The following NUP155 variants were observed in gnomAD, a reference collection of about 807,000 sequenced individuals.
The protein encoded by NUP155 is nucleoporin 155.
Under a neutral mutation model 180.4 loss-of-function variants are expected in NUP155, and 71 were observed. That is an observed-to-expected ratio of 0.39 (90% CI 0.33 to 0.48). NUP155 has a LOEUF of 0.48. Ranked by LOEUF, NUP155 falls within the 20% of genes least tolerant of loss-of-function variation. NUP155 has a pLI of 0.91. For missense variants in NUP155, 1,553 were observed against 1,648.9 expected (o/e 0.94, Z 1.01); for synonymous variants, 582 against 559.5 (o/e 1.04, Z -0.57).
At position 37,343,317 on chromosome 5, in the gene NUP155, G is replaced by A. The variant is rs139813654; in HGVS notation, c.996-671C>T. Among the ~76,000 whole-genome samples the A allele has an allele frequency of 5.8e-3, 879 of 152,030 alleles. 10 individuals are homozygous for A. Among genetic ancestry groups the A allele is most frequent in the African/African-American group, 0.02 (833 of 41,486 alleles). On this transcript the variant is annotated intron_variant, in intron 9 of 34. Transcript: ENST00000231498. ...TCTCGATCTCCTGACCTCATGATCC[G>A]CCTGCCTTGGCCTCCCAAAGTGCTG...
chr5:37,317,886 T>TA, intron 21 of NUP155, 102 bp downstream of exon 21: 1 of 786,272 alleles, frequency 1.3e-6, no homozygotes, highest in South Asian at 1.4e-5. Context: ...CAAATATTTG[T>TA]GTACAAAGTA....
chr5:37,320,196 G>C (rs1250862354), intron 20 of NUP155, among the ~76,000 whole-genome samples: 1 of 152,144 alleles, frequency 6.6e-6, no homozygotes, highest in South Asian at 2.1e-4. Flanking sequence ...AGAGATAAGT[G>C]GCAGGGCGCA....
intron 21 of NUP155, among the ~76,000 whole-genome samples, chr5:37,317,771 T>A (rs574210677): frequency 6.8e-6 from 1 of 146,090 alleles, no homozygotes; most frequent in Admixed American, 7.0e-5. Context: ...CACTGCAACC[T>A]CTGCCTCCCA....
intron 24 of NUP155, among the ~76,000 whole-genome samples, chr5:37,308,170 A>G (rs946001427): frequency 1.3e-4 from 20 of 152,286 alleles, no homozygotes; most frequent in African/African-American, 4.1e-4. Flanking sequence ...AAAAAATTTT[A>G]AATATCTGAA....
intron 4 of NUP155, among the ~76,000 whole-genome samples, chr5:37,357,697 A>T (rs901269409): frequency 2.6e-5 from 4 of 152,182 alleles, no homozygotes; most frequent in Non-Finnish European, 5.9e-5. Context: ...CAATTGTTTA[A>T]AAAAGGGTGT....
At chr5:37,359,537 C>G (rs1747063283) in intron 3 of NUP155, among the ~76,000 whole-genome samples, 2 of 152,114 alleles carry the variant, frequency 1.3e-5, no homozygotes, top group African/African-American at 4.8e-5. Context: ...AAATCCAGCT[C>G]AAGTCCTGAC....
intron 10 of NUP155, among the ~76,000 whole-genome samples, chr5:37,341,681 C>T (rs1745733430): frequency 6.6e-6 from 1 of 152,108 alleles, no homozygotes; most frequent in Non-Finnish European, 1.5e-5. Flanking sequence ...GCTGGGACTA[C>T]AGGTGCCTGC....
rs1744974074 is a variant in NUP155, at chr5:37,331,740, A to T, written c.1574T>A (p.Val525Glu). The T allele has an allele frequency of 1.2e-6, 2 of 1,611,874 alleles. No homozygotes were observed. The change falls in exon 14 of 35, where the codon GTG becomes GAG. Residue 525 changes from valine to glutamate, a missense_variant. Physicochemically the swap from Val to Glu is moderately radical, Grantham distance 121. Transcript: ENST00000231498. Reference sequence around the variant, plus strand: ...TTCTCCATCTCCTCCCACATTACTCACAAGTAGATGCCTCAGTTGATCTAC... The same window carrying T: ...TTCTCCATCTCCTCCCACATTACTCTCAAGTAGATGCCTCAGTTGATCTAC... ...RPVDQLRHLL[V>E]SNVGGDGEEI... is the part of the protein sequence containing the mutation.
At chr5:37,340,208 A>G (rs575923438) in intron 11 of NUP155, among the ~76,000 whole-genome samples, 2 of 152,272 alleles carry the variant, frequency 1.3e-5, no homozygotes, top group African/African-American at 2.4e-5. Context: ...TAGGAGGCCA[A>G]TGCAGACGGA....
intron 3 of NUP155, among the ~76,000 whole-genome samples, chr5:37,359,133 T>C (rs1264922430): frequency 6.7e-6 from 1 of 149,594 alleles, no homozygotes; most frequent in Non-Finnish European, 1.5e-5. Context: ...TTGGTCTTTA[T>C]GAAAAATTTA....
Position 37,370,729 on chromosome 5 carries a change from T to A in NUP155, c.157+92A>T. The A allele has an allele frequency of 1.9e-6, 3 of 1,612,260 alleles. No individual in the cohort carries two copies. The South Asian group carries it at 3.3e-5, about 18-fold the overall frequency. ...CAACAGTGCCATAAATCTCAGCATA[T>A]CCTCGCCGGGACCAACGCTGGGGAT... On this transcript the variant is annotated intron_variant, in intron 1 of 34. Coordinates refer to ENST00000231498, the MANE Select transcript of NUP155 (RefSeq NM_153485.3).
intron 10 of NUP155, 34 bp downstream of exon 10, chr5:37,342,515 C>A: frequency 7.8e-7 from 1 of 1,276,824 alleles, no homozygotes; most frequent in Non-Finnish European, 1.1e-6. Flanking sequence ...GAAGTTGTAA[C>A]AGTAATAGCA....
rs919562928 is a variant in NUP155, at chr5:37,290,784, G to A, written c.*1116C>T. On this transcript the variant is annotated 3_prime_UTR_variant, in exon 35 of 35. Coordinates refer to ENST00000231498, the MANE Select transcript of NUP155 (RefSeq NM_153485.3). ...TTGACATGCACCAAAATCTCCTGGA[G>A]AGCTTGTTAAAACATAGAAAGCAGG... The A allele has an allele frequency of 6.6e-6, 1 of 152,110 alleles. No homozygotes were observed. The highest frequency in any genetic ancestry group is 2.4e-5 in the African/African-American group (1 of 41,430). The allele number at this position is 152,110 out of a possible 1,614,324, so 9.4% of individuals were successfully genotyped here. A position where few individuals can be genotyped will look rare whatever the true frequency, so the allele number is the denominator to read the frequency against.
Position 37,333,501 on chromosome 5 carries a change from T to C in NUP155, c.1480A>G (p.Met494Val), listed in dbSNP as rs771980223. The C allele has an allele frequency of 1.9e-6, 3 of 1,614,162 alleles. No homozygotes were observed. The highest frequency in any genetic ancestry group is 2.5e-6 in the Non-Finnish European group (3 of 1,179,990). ...AGAACAAATTTCTTCGGAGGTAACA[T>C]GTGCTGCTGTACAACAACTGGTGAA... ...TDSPVVVQQH[M>V]LPPKKFVLLS... The change falls in exon 13 of 35, where the codon ATG becomes GTG. Residue 494 changes from methionine to valine, a missense_variant. By Grantham distance (21) the Met-to-Val change is conservative. Transcript: ENST00000231498.
chr5:37,306,791 C>T (rs1743181390), intron 25 of NUP155, among the ~76,000 whole-genome samples: 1 of 151,112 alleles, frequency 6.6e-6, no homozygotes, highest in African/African-American at 2.4e-5. Flanking sequence ...ACACACATTT[C>T]CTTTTTAACA....
chr5:37,294,147 T>C (rs1006516337), intron 33 of NUP155, among the ~76,000 whole-genome samples, 182 bp downstream of exon 33: 2 of 152,054 alleles, frequency 1.3e-5, no homozygotes, highest in Admixed American at 1.3e-4. Flanking sequence ...TTAATCATGA[T>C]ATACAGGAAA....
intron 21 of NUP155, among the ~76,000 whole-genome samples, chr5:37,317,075 A>T (rs1459434483): frequency 6.6e-6 from 1 of 151,622 alleles, no homozygotes; most frequent in Non-Finnish European, 1.5e-5. Context: ...AGGCTGAGGC[A>T]GGAGAATGGA....
chr5:37,301,523 C>T lies in NUP155; in HGVS notation c.3475G>A (p.Glu1159Lys). 1 of 1,613,126 alleles carries T rather than the reference C, an allele frequency of 6.2e-7. No homozygotes were observed. Among genetic ancestry groups the T allele is most frequent in the Non-Finnish European group, 8.5e-7 (1 of 1,179,176 alleles). ...EVARIQLQIQ[E>K]TLQRQYSHHS... ...TGGGAATACTGCCTTTGTAGTGTCT[C>T]CTGTATCTGAAGTTGGATCCTAGCA... is the stretch of plus-strand genomic sequence containing the variant. Residue 1159 changes from glutamate to lysine, a missense_variant, in exon 30 of 35, where the codon GAG becomes AAG. By Grantham distance (56) the Glu-to-Lys change is moderately conservative. Transcript: ENST00000231498.
Position 37,342,580 on chromosome 5 carries a change from C to T in NUP155, c.1062G>A (p.Leu354=), listed in dbSNP as rs1745798871. The part of the protein sequence containing the change: ...QIAVIENSES[L]DCQLLAVTHA... ...GTGTGACAGCCAATAACTGACAGTCCAGTGATTCAGAATTTTCAATCACTG... is the reference window on the plus strand; with the variant it reads ...GTGTGACAGCCAATAACTGACAGTCTAGTGATTCAGAATTTTCAATCACTG... The change falls in exon 10 of 35, where the codon CTG becomes CTA. Residue 354 remains leucine, a synonymous_variant. Transcript: ENST00000231498. The T allele has an allele frequency of 1.2e-6, 2 of 1,612,484 alleles. No homozygotes were observed. Among genetic ancestry groups the T allele is most frequent in the Non-Finnish European group, 1.7e-6 (2 of 1,178,744 alleles).
Sources: gnomAD v4.1 joint callset for allele counts (sites outside exome capture counted in the v4.1 genomes callset) on GRCh38, gnomAD v4.1.1 for gene constraint, MANE v1.5 for transcripts, NCBI Gene and HGNC (gene_info 2026-07-23, HGNC 2026-07-21) for gene names.